Variants in CSMD1 observed in about 807,000 individuals in gnomAD.
CSMD1 encodes the protein CUB and Sushi multiple domains 1.
Under a neutral mutation model 417.5 loss-of-function variants are expected in CSMD1, and 213 were observed. That is an observed-to-expected ratio of 0.51 (90% confidence interval 0.46 to 0.57). The LOEUF (loss-of-function observed/expected upper bound fraction) is 0.57. Ranked by LOEUF, CSMD1 falls within the 20% of genes least tolerant of loss-of-function variation. CSMD1 has a pLI of 0.00. For synonymous variants in CSMD1, 2,862 were observed against 1,736.8 expected, an observed-to-expected ratio of 1.65 and a Z score of -16.11; for missense variants, 6,923 against 4,529.7, an observed-to-expected ratio of 1.53 and a Z score of -15.17.
chr8:3,609,024 C>G (rs1801759888), intron 8 of CSMD1, among the ~76,000 whole-genome samples: 1 of 152,238 alleles, frequency 6.6e-6, no homozygotes, highest in South Asian at 2.1e-4. Context: ...TTCCAGCGGT[C>G]CTGCATAGTG....
intron 5 of CSMD1, among the ~76,000 whole-genome samples, chr8:3,904,550 G>A (rs1807980003): frequency 6.6e-6 from 1 of 151,910 alleles, no homozygotes; most frequent in Non-Finnish European, 1.5e-5. Flanking sequence ...GCTGTTGTAT[G>A]TGAAACACAC....
intron 2 of CSMD1, among the ~76,000 whole-genome samples, chr8:4,490,433 G>A (rs138118101): frequency 6.6e-6 from 1 of 151,956 alleles, no homozygotes. Flanking sequence ...ATCTACTATT[G>A]GTTTTAACTT....
intron 1 of CSMD1, among the ~76,000 whole-genome samples, chr8:4,947,239 G>T (rs1411232262): frequency 3.3e-5 from 5 of 152,146 alleles, no homozygotes; most frequent in Non-Finnish European, 7.4e-5. Flanking sequence ...ACTTCAAACA[G>T]TGAAATTTTT....
At position 2,951,158 on chromosome 8, in the gene CSMD1, T is replaced by A; in HGVS notation, c.10157A>T (p.Asn3386Ile). 6.2e-7 allele frequency: 1 copy of A among 1,613,560 alleles called. No individual in the cohort carries two copies. Among genetic ancestry groups the A allele is most frequent in the Non-Finnish European group, 8.5e-7 (1 of 1,179,652 alleles). ...TGGCGAGGCTTCGCTGAAGGTGGCA[T>A]TCACCTTACTGCTTGTTGCATTGAA... is the stretch of plus-strand genomic sequence containing the variant. ...DWFNATSSKVNATFSEASPVE... is the reference protein window; with the variant it reads ...DWFNATSSKVIATFSEASPVE... Residue 3386 changes from asparagine to isoleucine, a missense_variant, in exon 66 of 70, where the codon AAT becomes ATT. Coordinates refer to ENST00000635120, the MANE Select transcript of CSMD1 (RefSeq NM_033225.6).
chr8:3,843,529 T>C (rs1176407924), intron 5 of CSMD1, among the ~76,000 whole-genome samples: 3 of 152,006 alleles, frequency 2.0e-5, no homozygotes, highest in Non-Finnish European at 4.4e-5. Flanking sequence ...TGTGAAACTA[T>C]ATAAAAGTAA....
At chr8:4,963,652 T>C (rs557305477) in intron 1 of CSMD1, among the ~76,000 whole-genome samples, 1 of 152,250 alleles carries the variant, frequency 6.6e-6, no homozygotes, top group Non-Finnish European at 1.5e-5. Context: ...ATAATACGTG[T>C]AGTATGAATT....
intron 1 of CSMD1, among the ~76,000 whole-genome samples, chr8:4,993,063 C>A (rs1214707829): frequency 3.9e-5 from 6 of 152,154 alleles, no homozygotes; most frequent in Non-Finnish European, 8.8e-5. Context: ...TCCTAATGAA[C>A]CAGATACAGT....
chr8:4,416,650 G>C (rs1041061680), intron 3 of CSMD1, among the ~76,000 whole-genome samples: 3 of 151,954 alleles, frequency 2.0e-5, no homozygotes, highest in African/African-American at 7.2e-5. Flanking sequence ...AAGTACATCA[G>C]AGAGAGAGGC....
At chr8:3,192,658 A>G (rs1434994729) in intron 33 of CSMD1, among the ~76,000 whole-genome samples, 2 of 152,202 alleles carry the variant, frequency 1.3e-5, no homozygotes, top group Non-Finnish European at 2.9e-5. Context: ...ACAATATTTT[A>G]TATTTTGAAA....
At chr8:4,092,069 T>A (rs1182063747) in intron 3 of CSMD1, among the ~76,000 whole-genome samples, 1 of 152,168 alleles carries the variant, frequency 6.6e-6, no homozygotes, top group Admixed American at 6.5e-5. Flanking sequence ...TTGCTAGCAC[T>A]ACTTAGAAGC....
chr8:3,084,683 C>T (rs1049930439), intron 49 of CSMD1, among the ~76,000 whole-genome samples: 2 of 151,978 alleles, frequency 1.3e-5, no homozygotes, highest in African/African-American at 4.8e-5. Context: ...ATTCTTTAAG[C>T]ATAAGCAAAA....
rs1180405861 is a variant in CSMD1, at chr8:2,954,268, C to T, written c.9995G>A (p.Ser3332Asn). Residue 3332 changes from serine to asparagine, a missense_variant and splice_region_variant, in exon 65 of 70, where the codon AGT becomes AAT. Transcript: ENST00000635120. ...TTCATTAACTTCTCTCACTCCTTTA[C>T]CTACAAGTAAAAAGACAAATTATCA... is the stretch of plus-strand genomic sequence containing the variant. ...KWTGKSPVCK[S>N]KGVREVNETV... is the part of the protein sequence containing the mutation. The T allele has an allele frequency of 2.7e-6, 4 of 1,465,412 alleles. No individual in the cohort carries two copies. Among genetic ancestry groups the T allele is most frequent in the Admixed American group, 2.2e-5 (1 of 46,470 alleles). 90.8% of individuals were successfully genotyped at this position (1,465,412 alleles called of 1,614,324 possible).
intron 1 of CSMD1, among the ~76,000 whole-genome samples, chr8:4,954,817 A>G (rs1808981451): frequency 6.6e-6 from 1 of 152,090 alleles, no homozygotes; most frequent in Non-Finnish European, 1.5e-5. Flanking sequence ...AAAAATTCTC[A>G]TTTTCTCTTA....
Position 4,503,024 on chromosome 8 carries a change from GAAACGTTTATGAAA to G in CSMD1, c.303-82973_303-82960del, listed in dbSNP as rs555689296. On this transcript the variant is annotated intron_variant, in intron 2 of 69. Transcript: ENST00000635120. Reference sequence around the variant, plus strand: ...GGAAATAAAAAAAGCTATCATAATTGAAACGTTTATGAAAATACCTTTTACTTAAAGAACTATAG... The same window carrying G: ...GGAAATAAAAAAAGCTATCATAATTGATACCTTTTACTTAAAGAACTATAG... 6.5e-3 allele frequency among the ~76,000 whole-genome samples: 986 copies of G among 152,228 alleles called. 5 individuals are homozygous for G. Among genetic ancestry groups the G allele is most frequent in the Non-Finnish European group, 9.3e-3 (632 of 68,010 alleles).
At chr8:3,999,962 G>A (rs1005167130) in intron 4 of CSMD1, among the ~76,000 whole-genome samples, 2 of 152,200 alleles carry the variant, frequency 1.3e-5, no homozygotes, top group African/African-American at 4.8e-5. Flanking sequence ...TAAGTGCACA[G>A]ATTATAAAAA....
chr8:3,283,154 T>C (rs977394665), intron 26 of CSMD1, among the ~76,000 whole-genome samples: 8 of 152,150 alleles, frequency 5.3e-5, no homozygotes, highest in Non-Finnish European at 1.5e-5. Flanking sequence ...TCCTCTGTCA[T>C]ATTAGCTTCT....
chr8:3,832,706 C>G (rs191822362), intron 5 of CSMD1, among the ~76,000 whole-genome samples: 2 of 152,018 alleles, frequency 1.3e-5, no homozygotes. Context: ...TATTTCAGAA[C>G]GAAACAAAAA....
In CSMD1 at chr8:4,670,344, C is replaced by A. The variant is rs115751310; in HGVS notation, c.86-32786G>T. On this transcript the variant is annotated intron_variant, in intron 1 of 69. Transcript: ENST00000635120. ...ATAGCTGACTTTGTCTTATTTATGACCGTGTCAAGATTGTGGCTAATAATG... is the reference window on the plus strand; with the variant it reads ...ATAGCTGACTTTGTCTTATTTATGAACGTGTCAAGATTGTGGCTAATAATG... 2.4e-3 allele frequency among the ~76,000 whole-genome samples: 372 copies of A among 152,048 alleles called. 5 individuals are homozygous for A. Among genetic ancestry groups the A allele is most frequent in the African/African-American group, 8.7e-3 (360 of 41,450 alleles).
chr8:4,924,671 G>A (rs1195244308), intron 1 of CSMD1, among the ~76,000 whole-genome samples: 2 of 119,446 alleles, frequency 1.7e-5, no homozygotes, highest in Admixed American at 1.3e-4. Flanking sequence ...GCAGTGAGCC[G>A]AGATCGCACC....
Sources: gnomAD v4.1 joint callset for allele counts (sites outside exome capture counted in the v4.1 genomes callset) on GRCh38, gnomAD v4.1.1 for gene constraint, MANE v1.5 for transcripts, NCBI Gene and HGNC (gene_info 2026-07-23, HGNC 2026-07-21) for gene names.